The following AFDN variants were observed in gnomAD, a reference collection of about 807,000 sequenced individuals.
AFDN encodes afadin, adherens junction formation factor, also known as afadin.
A neutral mutation model predicts 216.6 loss-of-function variants in AFDN; 68 were observed. The ratio of observed to expected loss-of-function variants is 0.31; its 90% CI spans 0.26 to 0.38. The LOEUF (loss-of-function observed/expected upper bound fraction) is 0.38, where lower values mean the gene tolerates loss of function less well. Among genes scored for constraint, AFDN ranks in the 10% least tolerant of loss-of-function variants. The pLI, the probability that AFDN is intolerant of heterozygous loss-of-function variation, is 1.00. For synonymous variants in AFDN, 868 were observed against 853.7 expected, an observed-to-expected ratio of 1.02 and a Z score of -0.29; for missense variants, 2,136 against 2,342.0, an observed-to-expected ratio of 0.91 and a Z score of 1.82.
chr6:167,869,871 G>A lies in AFDN; in HGVS notation c.302-515G>A, dbSNP rs145135053. On this transcript the variant is annotated intron_variant, in intron 2 of 33. Transcript: ENST00000683244. ...GTAAGTGTTGAAGTGGGCAAATTTT[G>A]GAGACAAGGATCAGATGCACAGAGA... 3.6e-3 allele frequency among the ~76,000 whole-genome samples: 551 copies of A among 152,270 alleles called. 4 individuals are homozygous for A. The highest frequency in any genetic ancestry group is 0.012 in the African/African-American group (516 of 41,566).
chr6:167,967,035 T>C (rs747823073), intron 32 of AFDN, among the ~76,000 whole-genome samples: 4 of 152,236 alleles, frequency 2.6e-5, no homozygotes, highest in Non-Finnish European at 4.4e-5. Flanking sequence ...GGACAGGGCC[T>C]AGAGGCTGTC....
chr6:167,963,460 A>T, intron 31 of AFDN: 2 of 1,053,596 alleles, frequency 1.9e-6, no homozygotes, highest in South Asian at 4.6e-5. Flanking sequence ...TAGTCTAGTG[A>T]ACTATATTAA....
intron 21 of AFDN, among the ~76,000 whole-genome samples, 182 bp from the exon 22 acceptor site, chr6:167,922,674 T>G (rs1356971863): frequency 6.6e-6 from 1 of 152,188 alleles, no homozygotes; most frequent in East Asian, 1.9e-4. Context: ...GAAATGCTCT[T>G]GGACCAAAAC....
intron 1 of AFDN, among the ~76,000 whole-genome samples, chr6:167,858,197 A>G (rs897781922): frequency 6.6e-6 from 1 of 152,148 alleles, no homozygotes; most frequent in African/African-American, 2.4e-5. Context: ...CAGAGCACTG[A>G]TTTCACTTGC....
At position 167,870,497 on chromosome 6, in the gene AFDN, A is replaced by G. The variant is rs1161713388; in HGVS notation, c.413A>G (p.Lys138Arg). Residue 138 changes from lysine to arginine, a missense_variant and splice_region_variant, in exon 3 of 34, where the codon AAG (lysine) becomes AGG (arginine). Transcript: ENST00000683244. ...LKNENDAIPP[K>R]KAQSNGPEKQ... ...AATGAGAATGACGCCATTCCTCCTA[A>G]GGTAGGAACCCTCAGTATTTTATGA... 1 of 1,589,498 alleles carries G rather than the reference A, an allele frequency of 6.3e-7. No individual in the cohort carries two copies. Among genetic ancestry groups the G allele is most frequent in the Admixed American group, 1.7e-5 (1 of 59,060 alleles).
At chr6:167,905,507 A>G (rs956416131) in intron 12 of AFDN, among the ~76,000 whole-genome samples, 2 of 152,132 alleles carry the variant, frequency 1.3e-5, no homozygotes, top group Admixed American at 6.5e-5. Context: ...CTTTGATAGT[A>G]ATGTTGTGAG....
intron 12 of AFDN, among the ~76,000 whole-genome samples, chr6:167,903,240 T>C (rs1010749566): frequency 6.6e-6 from 1 of 152,242 alleles, no homozygotes; most frequent in Non-Finnish European, 1.5e-5. Flanking sequence ...TGCAATCTGG[T>C]TTGAGCTCAC....
Position 167,970,760 on chromosome 6 carries a change from T to C in AFDN, c.*825T>C, listed in dbSNP as rs1048476488. 2.7e-5 allele frequency: 6 copies of C among 218,666 alleles called. No individual in the cohort carries two copies. Among genetic ancestry groups the C allele is most frequent in the Non-Finnish European group, 5.5e-5 (6 of 109,024 alleles). The allele number at this position is 218,666 out of a possible 1,614,324, so 13.5% of individuals were successfully genotyped here. The stretch of plus-strand genomic sequence containing the variant: ...TTCACTAATACTTCGCTCCAAGGCG[T>C]CTGTAAAAGAAGATATCTTTATTGG... On this transcript the variant is annotated 3_prime_UTR_variant, in exon 34 of 34. Transcript: ENST00000683244.
At chr6:167,949,649 C>G (rs772084233) in intron 29 of AFDN, among the ~76,000 whole-genome samples, 7 of 152,184 alleles carry the variant, frequency 4.6e-5, no homozygotes, top group Non-Finnish European at 8.8e-5. Flanking sequence ...CTCCAAATTT[C>G]TCTTTAAAAA....
At chr6:167,917,628 G>A (rs1454357236) in intron 20 of AFDN, among the ~76,000 whole-genome samples, 2 of 152,326 alleles carry the variant, frequency 1.3e-5, no homozygotes, top group East Asian at 1.9e-4. Flanking sequence ...AGGAGTTTTG[G>A]TATGCCTGCC....
chr6:167,937,738 A>G (rs9364208), intron 23 of AFDN, among the ~76,000 whole-genome samples: 44,315 of 152,144 alleles, frequency 0.29, 7,332 homozygotes, highest in East Asian at 0.59. Context: ...CTAAAAGGGC[A>G]CATTGGGTGC....
At chr6:167,873,673 C>T (rs906739299) in intron 4 of AFDN, among the ~76,000 whole-genome samples, 7 of 152,220 alleles carry the variant, frequency 4.6e-5, no homozygotes, top group Admixed American at 3.9e-4. Flanking sequence ...TTTCCTTACA[C>T]CTGCAACTCT....
In AFDN at chr6:167,915,312, C is replaced by G. The variant is rs139174764; in HGVS notation, c.2444C>G (p.Ser815Trp). The G allele has an allele frequency of 6.2e-7, 1 of 1,614,202 alleles. No homozygotes were observed. The highest frequency in any genetic ancestry group is 8.5e-7 in the Non-Finnish European group (1 of 1,180,030). The change falls in exon 19 of 34, where the codon TCG (serine) becomes TGG (tryptophan). Residue 815 changes from serine to tryptophan, a missense_variant. Around this residue, in one of 8 missense-constraint regions of AFDN, gnomAD observed 817 missense variants for 965.7 expected, o/e 0.85. Coordinates refer to ENST00000683244, the MANE Select transcript of AFDN (RefSeq NM_001386888.1). ...AATAGATTGGTGACCGACCCAGATT[C>G]GGGGCTGTGCTCCCATTACTGGGGT... ...LFNRLVTDPDSGLCSHYWGAI... is the reference protein window; with the variant it reads ...LFNRLVTDPDWGLCSHYWGAI...
chr6:167,841,944 C>T (rs369309446), intron 1 of AFDN, among the ~76,000 whole-genome samples: 2 of 151,822 alleles, frequency 1.3e-5, no homozygotes, highest in South Asian at 2.1e-4. Context: ...CTCCCATTCA[C>T]TCATCTTTGG....
rs930512809 is a variant in AFDN, at chr6:167,905,724, A to G, written c.1651-1447A>G. Reference sequence around the variant, plus strand: ...TAAACATACTCTAATTTCTTTATCCATTGCCCTATTACTAGTCATTTATAA... The same window carrying G: ...TAAACATACTCTAATTTCTTTATCCGTTGCCCTATTACTAGTCATTTATAA... On this transcript the variant is annotated intron_variant, in intron 12 of 33. Coordinates refer to ENST00000683244, the MANE Select transcript of AFDN (RefSeq NM_001386888.1). 2.2e-4 allele frequency among the ~76,000 whole-genome samples: 33 copies of G among 148,074 alleles called. 1 individual carries two copies. Among genetic ancestry groups the G allele is most frequent in the African/African-American group, 8.8e-4 (33 of 37,522 alleles).
chr6:167,826,821 G>A (rs1319594767), upstream of AFDN: 12 of 145,552 alleles, frequency 8.2e-5, no homozygotes, highest in Non-Finnish European at 1.5e-4. Context: ...GCGGCGCCGC[G>A]CGGGGCGGCG....
intron 23 of AFDN, among the ~76,000 whole-genome samples, chr6:167,929,281 T>G (rs1368535742): frequency 6.6e-6 from 1 of 152,126 alleles, no homozygotes; most frequent in East Asian, 1.9e-4. Flanking sequence ...TACAAAGATT[T>G]GTAAAGAAGA....
At chr6:167,929,015 A>G (rs541013042) in intron 23 of AFDN, among the ~76,000 whole-genome samples, 3 of 152,322 alleles carry the variant, frequency 2.0e-5, no homozygotes, top group South Asian at 2.1e-4. Context: ...GTGTAGTACA[A>G]TTACTGGCTT....
chr6:167,928,993 C>T (rs1192805420), intron 23 of AFDN, among the ~76,000 whole-genome samples: 1 of 152,138 alleles, frequency 6.6e-6, no homozygotes, highest in Non-Finnish European at 1.5e-5. Flanking sequence ...TGAAAAGGTA[C>T]AGTAGGTATC....
Sources: allele counts gnomAD v4.1 joint callset (sites outside exome capture counted in the v4.1 genomes callset), GRCh38; gene constraint gnomAD v4.1.1; regional missense constraint gnomAD v4.1.1; transcripts MANE v1.5; gene names NCBI Gene and HGNC (gene_info 2026-07-23, HGNC 2026-07-21).